The following MED24 variants were observed in gnomAD, a reference collection of about 807,000 sequenced individuals.
The protein encoded by MED24 is mediator of RNA polymerase II transcription subunit 24.
MED24 carries 74 observed loss-of-function variants against 118.8 expected under a neutral mutation model. The ratio of observed to expected loss-of-function variants is 0.62; its 90% confidence interval spans 0.52 to 0.76. The LOEUF is 0.76. MED24 is among the 30% of genes least tolerant of loss of function. The probability of loss-of-function intolerance (pLI) is 0.00; values close to 1 mark genes in which losing one functional copy is unlikely to be tolerated. For synonymous variants in MED24, 521 were observed against 523.9 expected (o/e 0.99, Z 0.08); for missense variants, 1,041 against 1,278.9 (o/e 0.81, Z 2.84).
intron 23 of MED24, 27 bp from the exon 24 acceptor site, chr17:40,020,380 G>T: frequency 6.3e-7 from 1 of 1,575,300 alleles, no homozygotes; most frequent in East Asian, 2.3e-5. Context: ...ATGGAGCGCT[G>T]GGAAACAGCC....
At chr17:40,023,728 AT>A (rs1982319205) in intron 19 of MED24, 1 of 260,628 alleles carries the variant, frequency 3.8e-6, no homozygotes, top group Non-Finnish European at 7.3e-6. Context: ...AACCTGCCAC[AT>A]AAATAAACAC....
In MED24 at chr17:40,022,332, T is replaced by C. The variant is rs1982118971; in HGVS notation, c.2523+62A>G. Reference sequence around the variant, plus strand: ...TGCTTCCCTTTGCCTGGGGAATCCTTAGGAAATGCTGTAACAAACCGGTGA... The same window carrying C: ...TGCTTCCCTTTGCCTGGGGAATCCTCAGGAAATGCTGTAACAAACCGGTGA... On this transcript the variant is annotated intron_variant, in intron 22 of 25. Transcript: ENST00000394128. 2.0e-6 allele frequency: 3 copies of C among 1,505,546 alleles called. No homozygotes were observed. The African/African-American group carries it at 4.1e-5, about 21-fold the overall frequency. 93.3% of individuals were successfully genotyped at this position (1,505,546 alleles called of 1,614,324 possible).
At chr17:40,052,217 C>G (rs766409057) in intron 3 of MED24, among the ~76,000 whole-genome samples, 26 of 152,082 alleles carry the variant, frequency 1.7e-4, no homozygotes, top group Non-Finnish European at 3.5e-4. Context: ...CGCTTGAACC[C>G]GGGAAACGGA....
Position 40,033,852 on chromosome 17 carries a change from C to T in MED24, c.560-396G>A, listed in dbSNP as rs1983660647. The stretch of plus-strand genomic sequence containing the variant: ...CAGTCTTGCAGAGGCTGTCACTCTC[C>T]TCTGGGGGAACTGGGTCCCTAAATG... On this transcript the variant is annotated intron_variant, in intron 6 of 25. Transcript: ENST00000394128. The surrounding 1 kb of genome is among the most constrained non-coding windows in gnomAD (Gnocchi z 5.2). 2.3e-6 allele frequency: 1 copy of T among 426,128 alleles called. No individual in the cohort carries two copies. Among genetic ancestry groups the T allele is most frequent in the African/African-American group, 2.0e-5 (1 of 49,296 alleles). 26.4% of individuals were successfully genotyped at this position (426,128 alleles called of 1,614,324 possible). A position where few individuals can be genotyped will look rare whatever the true frequency, so the allele number is the denominator to read the frequency against.
chr17:40,020,241 C>T, intron 24 of MED24, 32 bp downstream of exon 24: 2 of 1,486,570 alleles, frequency 1.3e-6, no homozygotes, highest in Non-Finnish European at 1.8e-6. Context: ...CCAGCTTAGC[C>T]CCAGGTTCGG....
chr17:40,020,335 C>T lies in MED24; in HGVS notation c.2642G>A (p.Ser881Asn). 1 of 1,597,880 alleles carries T rather than the reference C, an allele frequency of 6.3e-7. No homozygotes were observed. The highest frequency in any genetic ancestry group is 8.5e-7 in the Non-Finnish European group (1 of 1,172,240). The change falls in exon 24 of 26, where the codon AGC becomes AAC. Residue 881 changes from serine (S) to asparagine (N), a missense_variant. Transcript: ENST00000394128. ...GTGGAGCTGAGAGGCTGAGAGGGAG[C>T]TGCTCATGGATCGGTCTGCTGTGGG... ...LSSPTDRSMS[S>N]SLSASQLHTV... is the part of the protein sequence containing the mutation.
intron 9 of MED24, 114 bp from the exon 10 acceptor site, chr17:40,032,204 A>AGGAGTGT: frequency 8.0e-7 from 1 of 1,245,118 alleles, no homozygotes; most frequent in Non-Finnish European, 1.1e-6. Flanking sequence ...GAACACTCCT[A>AGGAGTGT]CCCTGGGAGT....
Position 40,052,274 on chromosome 17 carries a change from T to C in MED24, c.213+1024A>G, listed in dbSNP as rs181751565. Among the ~76,000 whole-genome samples the C allele has an allele frequency of 4.2e-3, 644 of 152,266 alleles. 7 individuals carry two copies. Among genetic ancestry groups the C allele is most frequent in the African/African-American group, 0.015 (619 of 41,548 alleles). The stretch of plus-strand genomic sequence containing the variant: ...CGCCACTGCACTCCAGCCTGGGCGA[T>C]AGAGCAAGACTCTGACTCAAAAAAA... On this transcript the variant is annotated intron_variant, in intron 3 of 25. Transcript: ENST00000394128.
chr17:40,052,249 C>T (rs1293742134), intron 3 of MED24, among the ~76,000 whole-genome samples: 1 of 151,172 alleles, frequency 6.6e-6, no homozygotes, highest in African/African-American at 2.4e-5. Flanking sequence ...GCCGAGGTCA[C>T]GCCACTGCAC....
Position 40,020,340 on chromosome 17 carries a change from C to T in MED24, c.2637G>A (p.Met879Ile). The T allele has an allele frequency of 6.3e-7, 1 of 1,598,214 alleles. No individual in the cohort carries two copies. The change falls in exon 24 of 26, where the codon ATG becomes ATA. Residue 879 changes from methionine (M) to isoleucine (I), a missense_variant. Around this residue, in one of 3 missense-constraint regions of MED24, gnomAD observed 587 missense variants for 694.4 expected, o/e 0.85. Coordinates refer to ENST00000394128, the MANE Select transcript of MED24 (RefSeq NM_014815.4). The part of the protein sequence containing the change: ...NILSSPTDRS[M>I]SSSLSASQLH... ...GCTGAGAGGCTGAGAGGGAGCTGCT[C>T]ATGGATCGGTCTGCTGTGGGACGGA...
Position 40,042,550 on chromosome 17 carries a change from A to G in MED24, c.214-6396T>C, listed in dbSNP as rs145404218. On this transcript the variant is annotated intron_variant, in intron 3 of 25. Coordinates refer to ENST00000394128, the MANE Select transcript of MED24 (RefSeq NM_014815.4). ...TAGCTGTGCGTGGTGGTGGGCATCTATAATCCCAGCTACTTGGGAGGCTGA... is the reference window on the plus strand; with the variant it reads ...TAGCTGTGCGTGGTGGTGGGCATCTGTAATCCCAGCTACTTGGGAGGCTGA... Among the ~76,000 whole-genome samples the G allele has an allele frequency of 5.7e-3, 860 of 152,178 alleles. 10 individuals are homozygous for G. Among genetic ancestry groups the G allele is most frequent in the Middle Eastern group, 0.031 (9 of 294 alleles).
At chr17:40,052,556 G>A (rs1345815486) in intron 3 of MED24, among the ~76,000 whole-genome samples, 4 of 152,184 alleles carry the variant, frequency 2.6e-5, no homozygotes, top group Non-Finnish European at 5.9e-5. Flanking sequence ...GCATTCATGA[G>A]TATTTGTTGA....
At position 40,019,203 on chromosome 17, in the gene MED24, C is replaced by CACACACACACAT. The variant is rs371196849; in HGVS notation, c.*325_*326insATGTGTGTGTGT. On this transcript the variant is annotated 3_prime_UTR_variant, in exon 26 of 26. Transcript: ENST00000394128. ...ACACACACACACACACACACACACACATACACACTTTGCATCTAGAAAGTT... is the reference window on the plus strand; with the variant it reads ...ACACACACACACACACACACACACACACACACACACATATACACACTTTGCATCTAGAAAGTT... The CACACACACACAT allele has an allele frequency of 1.8e-3, 547 of 302,438 alleles. 11 individuals are homozygous for CACACACACACAT. The highest frequency in any genetic ancestry group is 3.2e-3 in the East Asian group (43 of 13,238). 18.7% of individuals were successfully genotyped at this position (302,438 alleles called of 1,614,324 possible). A position where few individuals can be genotyped will look rare whatever the true frequency, so the allele number is the denominator to read the frequency against.
At chr17:40,019,718 C>T in intron 25 of MED24, 67 bp downstream of exon 25, 2 of 1,589,384 alleles carry the variant, frequency 1.3e-6, no homozygotes, top group Non-Finnish European at 1.7e-6. Flanking sequence ...GAAGGAGGCC[C>T]CTCCCTGCTC....
chr17:40,049,366 C>G (rs908332598), intron 3 of MED24, among the ~76,000 whole-genome samples: 1 of 152,106 alleles, frequency 6.6e-6, no homozygotes. Context: ...CCGGCTAACT[C>G]ATACTCAACA....
chr17:40,019,371 G>C lies in MED24; in HGVS notation c.*158C>G. ...AGAAGAAACCGGGAGACATCCTGGA[G>C]GTCAGGAGTCAGGAGCGGGGAACTG... On this transcript the variant is annotated 3_prime_UTR_variant, in exon 26 of 26. Coordinates refer to ENST00000394128, the MANE Select transcript of MED24 (RefSeq NM_014815.4). 1.5e-6 allele frequency: 1 copy of C among 656,130 alleles called. No homozygotes were observed. 40.6% of individuals were successfully genotyped at this position (656,130 alleles called of 1,614,324 possible).
At chr17:40,043,934 G>A (rs1256060582) in intron 3 of MED24, among the ~76,000 whole-genome samples, 17 of 142,830 alleles carry the variant, frequency 1.2e-4, no homozygotes, top group African/African-American at 4.1e-4. Flanking sequence ...TTCGAGACCC[G>A]CCTGGCCAAC....
At chr17:40,041,503 A>C (rs1020464717) in intron 3 of MED24, among the ~76,000 whole-genome samples, 1 of 152,204 alleles carries the variant, frequency 6.6e-6, no homozygotes, top group African/African-American at 2.4e-5. Flanking sequence ...CAAAAGCTCC[A>C]GTCTAGAACT....
chr17:40,032,949 A>T (rs1598349214), intron 8 of MED24, 107 bp downstream of exon 8: 1 of 1,489,950 alleles, frequency 6.7e-7, no homozygotes, highest in East Asian at 2.4e-5. Flanking sequence ...TCCATCATGG[A>T]GCAGGAGAAA....
Sources: allele counts gnomAD v4.1 joint callset (sites outside exome capture counted in the v4.1 genomes callset), GRCh38; gene constraint gnomAD v4.1.1; regional missense constraint gnomAD v4.1.1; non-coding constraint Gnocchi (gnomAD v3.1); transcripts MANE v1.5; gene names NCBI Gene and HGNC (gene_info 2026-07-23, HGNC 2026-07-21).